BMPR2: variants seen among roughly 807,000 people sequenced by gnomAD.
BMPR2 encodes the protein bone morphogenetic protein receptor type 2, also known as bone morphogenetic protein receptor type-2.
In BMPR2, 29 loss-of-function variants were observed where a neutral mutation model predicts 100.8. That is an observed-to-expected ratio of 0.29 (90% CI 0.21 to 0.39). BMPR2 has a LOEUF of 0.39. Ranked by LOEUF, BMPR2 falls within the 10% of genes least tolerant of loss-of-function variation. The pLI, the probability that BMPR2 is intolerant of heterozygous loss-of-function variation, is 1.00. For synonymous variants in BMPR2, 382 were observed against 442.3 expected (o/e 0.86, Z 1.71); for missense variants, 1,011 against 1,274.5 (o/e 0.79, Z 3.15).
chr2:202,502,872 T>C (rs555418352), intron 3 of BMPR2, among the ~76,000 whole-genome samples: 3 of 152,356 alleles, frequency 2.0e-5, no homozygotes, highest in African/African-American at 4.8e-5. Context: ...GCAACATGGC[T>C]TCTCCCCTTT....
chr2:202,394,950 A>G (rs955529934), intron 1 of BMPR2, among the ~76,000 whole-genome samples: 1 of 151,368 alleles, frequency 6.6e-6, no homozygotes, highest in Non-Finnish European at 1.5e-5. Context: ...CAGTGGCGCA[A>G]TCTCGGCTCA....
At chr2:202,379,558 T>C (rs1690227022) in intron 1 of BMPR2, among the ~76,000 whole-genome samples, 1 of 152,190 alleles carries the variant, frequency 6.6e-6, no homozygotes. Context: ...GTTATGCAAA[T>C]GTCGTAGTTC....
intron 8 of BMPR2, among the ~76,000 whole-genome samples, chr2:202,531,610 A>G (rs574918601): frequency 6.6e-6 from 1 of 152,226 alleles, no homozygotes; most frequent in East Asian, 1.9e-4. Context: ...ACATATATGT[A>G]TTTTTGTGAT....
chr2:202,537,029 T>C (rs558878176), intron 9 of BMPR2, among the ~76,000 whole-genome samples: 1 of 152,238 alleles, frequency 6.6e-6, no homozygotes, highest in South Asian at 2.1e-4. Flanking sequence ...CCTGAGTAGC[T>C]AGGACTACAG....
intron 1 of BMPR2, among the ~76,000 whole-genome samples, chr2:202,379,221 C>T (rs1236410164): frequency 6.6e-6 from 1 of 152,128 alleles, no homozygotes; most frequent in Non-Finnish European, 1.5e-5. Context: ...TATTAAGTGC[C>T]TGCCATGCAC....
intron 1 of BMPR2, among the ~76,000 whole-genome samples, chr2:202,461,636 G>T (rs1252726466): frequency 6.6e-6 from 1 of 152,170 alleles, no homozygotes; most frequent in Non-Finnish European, 1.5e-5. Flanking sequence ...ATAATGACCT[G>T]TGCAAACAGT....
In BMPR2 at chr2:202,439,623, C is replaced by T. The variant is rs367860416; in HGVS notation, c.77-25186C>T. 6.7e-5 allele frequency among the ~76,000 whole-genome samples: 10 copies of T among 150,080 alleles called. 1 individual carries two copies. In the East Asian group the frequency reaches 1.2e-3, roughly 17 times the overall value. On this transcript the variant is annotated intron_variant, in intron 1 of 12. Transcript: ENST00000374580. The stretch of plus-strand genomic sequence containing the variant: ...GTCTCCTTTCCCTGGCTAGGGGAAT[C>T]TCCAGTACAAGTTTGGATAGGTTTG...
intron 4 of BMPR2, among the ~76,000 whole-genome samples, chr2:202,514,169 G>A (rs1049805961): frequency 6.6e-6 from 1 of 151,654 alleles, no homozygotes; most frequent in Admixed American, 6.6e-5. Flanking sequence ...ACGGAGTCTC[G>A]CTGTCGCCCA....
intron 1 of BMPR2, among the ~76,000 whole-genome samples, chr2:202,438,769 CAT>C (rs761829500): frequency 1.1e-4 from 16 of 150,458 alleles, no homozygotes; most frequent in Admixed American, 9.9e-4. Context: ...ATCAGTTCAC[CAT>C]ATATATAAGG....
chr2:202,472,934 A>G (rs755188812), intron 3 of BMPR2, among the ~76,000 whole-genome samples: 6 of 152,220 alleles, frequency 3.9e-5, no homozygotes, highest in Non-Finnish European at 7.3e-5. Flanking sequence ...GGCAAACAAG[A>G]TCAGTTTTGG....
chr2:202,535,022 G>C (rs1684682670), intron 9 of BMPR2, among the ~76,000 whole-genome samples: 1 of 137,562 alleles, frequency 7.3e-6, no homozygotes, highest in Non-Finnish European at 1.6e-5. Flanking sequence ...GGGTCGGCTG[G>C]CCGGGCGGGT....
intron 9 of BMPR2, among the ~76,000 whole-genome samples, chr2:202,539,248 A>G (rs1345632939): frequency 6.6e-6 from 1 of 152,208 alleles, no homozygotes; most frequent in Non-Finnish European, 1.5e-5. Flanking sequence ...CAATAGATGT[A>G]ATTGAAAAGA....
At chr2:202,401,537 C>T (rs144266574) in intron 1 of BMPR2, among the ~76,000 whole-genome samples, 65 of 152,290 alleles carry the variant, frequency 4.3e-4, no homozygotes, top group Non-Finnish European at 8.8e-4. Flanking sequence ...ATATCTTCAT[C>T]TTCTGTATAG....
Position 202,564,230 on chromosome 2 carries a change from A to T in BMPR2, c.*4284A>T, listed in dbSNP as rs1292818228. The T allele has an allele frequency of 6.6e-6, 1 of 152,154 alleles. No homozygotes were observed. The highest frequency in any genetic ancestry group is 6.5e-5 in the Admixed American group (1 of 15,272). 9.4% of individuals were successfully genotyped at this position (152,154 alleles called of 1,614,324 possible). A position where few individuals can be genotyped will look rare whatever the true frequency, so the allele number is the denominator to read the frequency against. On this transcript the variant is annotated 3_prime_UTR_variant, in exon 13 of 13. Transcript: ENST00000374580. ...TATGGACATGAATATTTTATTGGAGATCATTAACTCCTAGAATTTGAGATT... is the reference window on the plus strand; with the variant it reads ...TATGGACATGAATATTTTATTGGAGTTCATTAACTCCTAGAATTTGAGATT...
intron 3 of BMPR2, among the ~76,000 whole-genome samples, chr2:202,511,450 T>C (rs1420742129): frequency 6.6e-6 from 1 of 152,234 alleles, no homozygotes; most frequent in Non-Finnish European, 1.5e-5. Flanking sequence ...CTGGGTCTTA[T>C]GGTAATTCCA....
At chr2:202,434,933 A>ATATATATATTTATT (rs1483284948) in intron 1 of BMPR2, among the ~76,000 whole-genome samples, 4 of 82,028 alleles carry the variant, frequency 4.9e-5, no homozygotes, top group East Asian at 7.3e-4. Flanking sequence ...ATATATATAT[A>ATATATATATTTATT]TATTTATTTA....
chr2:202,489,337 T>C (rs1293011427), intron 3 of BMPR2, among the ~76,000 whole-genome samples: 5 of 152,192 alleles, frequency 3.3e-5, no homozygotes, highest in Non-Finnish European at 7.3e-5. Context: ...GTGTACTGTT[T>C]TTCAGATTTT....
intron 1 of BMPR2, among the ~76,000 whole-genome samples, chr2:202,439,801 G>A (rs1000119004): frequency 6.7e-6 from 1 of 148,792 alleles, no homozygotes; most frequent in East Asian, 1.9e-4. Flanking sequence ...TCGGAGAGGG[G>A]GATTTGGCAG....
intron 1 of BMPR2, among the ~76,000 whole-genome samples, chr2:202,385,862 C>A (rs1310402455): frequency 1.3e-5 from 2 of 151,934 alleles, no homozygotes; most frequent in Admixed American, 1.3e-4. Context: ...TAGGTTGTTT[C>A]CGATTTTCTT....
Sources: allele counts gnomAD v4.1 joint callset (sites outside exome capture counted in the v4.1 genomes callset), GRCh38; gene constraint gnomAD v4.1.1; transcripts MANE v1.5; gene names NCBI Gene and HGNC (gene_info 2026-07-23, HGNC 2026-07-21).